The following NPAS1 variants were observed in gnomAD, a reference collection of about 807,000 sequenced individuals.
NPAS1 encodes the protein neuronal PAS domain-containing protein 1.
NPAS1 carries 29 observed loss-of-function variants against 49.2 expected under a neutral mutation model. The observed-to-expected ratio is 0.59, with a 90% CI of 0.44 to 0.80. NPAS1 has a LOEUF of 0.80. Ranked by LOEUF, NPAS1 falls within the 30% of genes least tolerant of loss-of-function variation. The probability of loss-of-function intolerance (pLI) is 0.00; values close to 1 mark genes in which losing one functional copy is unlikely to be tolerated. For synonymous variants in NPAS1, 408 were observed against 380.4 expected, an observed-to-expected ratio of 1.07 and a Z score of -0.84; for missense variants, 825 against 835.5, an observed-to-expected ratio of 0.99 and a Z score of 0.15.
At chr19:47,027,176 C>G (rs1182560933) in intron 3 of NPAS1, among the ~76,000 whole-genome samples, 1 of 152,196 alleles carries the variant, frequency 6.6e-6, no homozygotes, top group African/African-American at 2.4e-5. Context: ...TGAGGGACCC[C>G]TCTCCCCGAC....
chr19:47,041,603 C>A (rs1229261025), intron 10 of NPAS1, among the ~76,000 whole-genome samples: 2 of 151,942 alleles, frequency 1.3e-5, no homozygotes, highest in African/African-American at 4.8e-5. Context: ...GACGGCCTGG[C>A]CTTTTGGCTC....
At chr19:47,032,418 C>G (rs902766495) in intron 4 of NPAS1, 67 bp downstream of exon 4, 8 of 1,499,856 alleles carry the variant, frequency 5.3e-6, no homozygotes, top group Admixed American at 3.4e-5. Flanking sequence ...TGGAGAACAG[C>G]AGCCTCTTCA....
intron 9 of NPAS1, 37 bp downstream of exon 9, chr19:47,040,587 C>A: frequency 7.2e-7 from 1 of 1,398,512 alleles, no homozygotes; most frequent in Non-Finnish European, 9.9e-7. Flanking sequence ...CTGCCTACCA[C>A]CCCCCAGACC....
At chr19:47,040,918 C>T (rs1433468082) in intron 9 of NPAS1, 60 bp from the exon 10 acceptor site, 1 of 1,380,888 alleles carries the variant, frequency 7.2e-7, no homozygotes, top group East Asian at 2.7e-5. Context: ...CTACCTGGCT[C>T]TCTGTCTTGC....
Position 47,045,263 on chromosome 19 carries a change from G to T in NPAS1, c.1385G>T (p.Arg462Leu). ...GAGGCCCCCCAGACCCAGGGCAAAC[G>T]CATCAAAGTGGAGCCCGGCCCGAGG... ...ENEAPQTQGK[R>L]IKVEPGPRET... The change falls in exon 12 of 12, where the codon CGC (arginine) becomes CTC (leucine). Residue 462 changes from arginine to leucine, a missense_variant. By Grantham distance (102) the Arg-to-Leu change is moderately radical. Coordinates refer to ENST00000602212, the MANE Select transcript of NPAS1 (RefSeq NM_002517.4). 1.9e-6 allele frequency: 3 copies of T among 1,613,980 alleles called. No homozygotes were observed. Among genetic ancestry groups the T allele is most frequent in the Non-Finnish European group, 2.5e-6 (3 of 1,179,982 alleles).
At chr19:47,043,518 G>A (rs1030259672) in intron 11 of NPAS1, among the ~76,000 whole-genome samples, 7 of 151,772 alleles carry the variant, frequency 4.6e-5, no homozygotes, top group African/African-American at 1.7e-4. Context: ...TGAACCCGGA[G>A]GGCAGAGGTT....
chr19:47,021,854 G>C lies in NPAS1; in HGVS notation c.358+7G>C. 1 of 1,449,034 alleles carries C rather than the reference G, an allele frequency of 6.9e-7. No homozygotes were observed. The highest frequency in any genetic ancestry group is 2.7e-5 in the East Asian group (1 of 36,658). The allele number at this position is 1,449,034 out of a possible 1,614,324, so 89.8% of individuals were successfully genotyped here. The stretch of plus-strand genomic sequence containing the variant: ...GGGCCGCCAGCTGGCCTCGGTGAGT[G>C]CTCATGCGCGGGGCGAGGGTCCCGG... On this transcript the variant is annotated splice_region_variant and intron_variant, in intron 3 of 11. Coordinates refer to ENST00000602212, the MANE Select transcript of NPAS1 (RefSeq NM_002517.4). The surrounding 1 kb of genome is among the most constrained non-coding windows in gnomAD (Gnocchi z 5.7).
chr19:47,030,611 T>C (rs998717003), intron 3 of NPAS1, among the ~76,000 whole-genome samples: 5 of 150,656 alleles, frequency 3.3e-5, no homozygotes, highest in African/African-American at 1.2e-4. Flanking sequence ...ATCACAGGTA[T>C]GAGCCACCGT....
chr19:47,044,868 T>G (rs1183667154), intron 11 of NPAS1, among the ~76,000 whole-genome samples: 1 of 151,478 alleles, frequency 6.6e-6, no homozygotes, highest in Non-Finnish European at 1.5e-5. Context: ...CATCTCTACT[T>G]AAAATAGAAA....
Position 47,041,086 on chromosome 19 carries a change from C to T in NPAS1, c.1178C>T (p.Pro393Leu). ...ACAGTGGCTGGGAGCGGGAAGAGCC[C>T]CGGGGAGCACCATGTGCTTTGGGTC... ...VATVAGSGKS[P>L]GEHHVLWVSH... Residue 393 changes from proline to leucine, a missense_variant, in exon 10 of 12, where the codon CCC (proline) becomes CTC (leucine). Physicochemically the swap from Pro to Leu is moderately conservative, Grantham distance 98 (BLOSUM62 -3). Transcript: ENST00000602212. The T allele has an allele frequency of 6.3e-7, 1 of 1,596,438 alleles. No homozygotes were observed. Among genetic ancestry groups the T allele is most frequent in the South Asian group, 1.1e-5 (1 of 88,522 alleles).
At chr19:47,035,407 G>A (rs2056944521) in intron 5 of NPAS1, 1 of 153,094 alleles carries the variant, frequency 6.5e-6, no homozygotes, top group African/African-American at 2.4e-5. Context: ...GAAGACCAGT[G>A]AGGACGCGGG....
chr19:47,032,971 G>A (rs1392824939), intron 5 of NPAS1, among the ~76,000 whole-genome samples: 5 of 152,164 alleles, frequency 3.3e-5, no homozygotes, highest in African/African-American at 4.8e-5. Flanking sequence ...ACGGAGTCTC[G>A]CTCTATCACC....
chr19:47,021,561 GCC>G lies in NPAS1; in HGVS notation c.123-48_123-47del. ...GGCGGGGCTCGCCCCCAGTTCCCAA[GCC>G]CCTGAGCCCCGGGGCCCCGCCGACA... On this transcript the variant is annotated intron_variant, in intron 2 of 11. Coordinates refer to ENST00000602212, the MANE Select transcript of NPAS1 (RefSeq NM_002517.4). The surrounding 1 kb of genome is among the most constrained non-coding windows in gnomAD (Gnocchi z 5.7). The G allele has an allele frequency of 1.6e-6, 2 of 1,281,250 alleles. No individual in the cohort carries two copies. Among genetic ancestry groups the G allele is most frequent in the Non-Finnish European group, 2.1e-6 (2 of 971,944 alleles). 79.4% of individuals were successfully genotyped at this position (1,281,250 alleles called of 1,614,324 possible).
At chr19:47,031,518 CTCTTTTT>C (rs1253060421) in intron 3 of NPAS1, among the ~76,000 whole-genome samples, 8 of 40,896 alleles carry the variant, frequency 2.0e-4, no homozygotes, top group African/African-American at 8.5e-4. Flanking sequence ...TTTTCTTTCT[CTCTTTTT>C]TCTTTCTTTC....
intron 10 of NPAS1, 26 bp downstream of exon 10, chr19:47,041,151 C>T (rs1486505884): frequency 2.0e-6 from 3 of 1,516,042 alleles, no homozygotes; most frequent in South Asian, 1.3e-5. Flanking sequence ...ACCCCTCCTG[C>T]AGGGCACTCA....
At chr19:47,026,817 T>C (rs1310303985) in intron 3 of NPAS1, among the ~76,000 whole-genome samples, 1 of 126,426 alleles carries the variant, frequency 7.9e-6, no homozygotes, top group Non-Finnish European at 1.7e-5. Flanking sequence ...TAGCCGGGCA[T>C]GGTGGTGGTG....
rs1388598583 is a variant in NPAS1 at position 47,045,263 on chromosome 19, G to C, written c.1385G>C (p.Arg462Pro). 1.9e-6 allele frequency: 3 copies of C among 1,613,862 alleles called. No homozygotes were observed. Among genetic ancestry groups the C allele is most frequent in the Non-Finnish European group, 2.5e-6 (3 of 1,179,990 alleles). The change falls in exon 12 of 12, where the codon CGC (arginine) becomes CCC (proline). Residue 462 changes from arginine to proline, a missense_variant. Arg to Pro is a moderately radical substitution (Grantham distance 103). Transcript: ENST00000602212. ...GAGGCCCCCCAGACCCAGGGCAAAC[G>C]CATCAAAGTGGAGCCCGGCCCGAGG... The part of the protein sequence containing the change: ...ENEAPQTQGK[R>P]IKVEPGPRET...
At chr19:47,038,651 A>T (rs1425846257) in intron 6 of NPAS1, among the ~76,000 whole-genome samples, 1 of 152,070 alleles carries the variant, frequency 6.6e-6, no homozygotes, top group Non-Finnish European at 1.5e-5. Flanking sequence ...ACATGGCAAA[A>T]CCCCGTCTCT....
intron 3 of NPAS1, among the ~76,000 whole-genome samples, chr19:47,027,106 C>A (rs1341244552): frequency 1.3e-5 from 2 of 152,186 alleles, no homozygotes; most frequent in Admixed American, 1.3e-4. Context: ...CACTGCCCCA[C>A]CCCATGGTGC....
Sources: gnomAD v4.1 joint callset for allele counts (sites outside exome capture counted in the v4.1 genomes callset) on GRCh38, gnomAD v4.1.1 for gene constraint, Gnocchi (gnomAD v3.1) non-coding constraint, MANE v1.5 for transcripts, NCBI Gene and HGNC (gene_info 2026-07-23, HGNC 2026-07-21) for gene names.